CELF4: variants seen among roughly 807,000 people sequenced by gnomAD.
CELF4 encodes CUG-BP- and ETR-3-like factor 4.
CELF4 carries 18 observed loss-of-function variants against 59.9 expected under a neutral mutation model. That is an observed-to-expected ratio of 0.30 (90% CI 0.21 to 0.45). The LOEUF is 0.45. CELF4 is among the 20% of genes least tolerant of loss of function. CELF4 has a pLI of 1.00. For missense variants in CELF4, 456 were observed against 689.0 expected, an observed-to-expected ratio of 0.66 and a Z score of 3.79; for synonymous variants, 261 against 267.1, an observed-to-expected ratio of 0.98 and a Z score of 0.22.
chr18:37,502,007 G>A (rs2099932401), intron 1 of CELF4, among the ~76,000 whole-genome samples: 2 of 152,172 alleles, frequency 1.3e-5, no homozygotes, highest in South Asian at 4.1e-4. Flanking sequence ...GCTGAATCAT[G>A]TTTGTGCATC....
chr18:37,283,914 TACAC>T (rs113079117), intron 3 of CELF4, among the ~76,000 whole-genome samples: 18 of 33,164 alleles, frequency 5.4e-4, no homozygotes, highest in Middle Eastern at 0.018. Flanking sequence ...AGTGGCAACA[TACAC>T]ACACACACAC....
chr18:37,539,033 G>A (rs2099975744), intron 1 of CELF4, among the ~76,000 whole-genome samples: 2 of 152,104 alleles, frequency 1.3e-5, no homozygotes, highest in Admixed American at 6.6e-5. Flanking sequence ...GCAGTGGCAG[G>A]CTTGAGAATG....
At chr18:37,409,767 CT>C (rs1376561990) in intron 2 of CELF4, among the ~76,000 whole-genome samples, 1 of 152,160 alleles carries the variant, frequency 6.6e-6, no homozygotes, top group Non-Finnish European at 1.5e-5. Flanking sequence ...TACTTGAGAC[CT>C]AGCAAGGGGA....
chr18:37,535,434 G>A (rs562041746), intron 1 of CELF4, among the ~76,000 whole-genome samples: 22 of 152,168 alleles, frequency 1.4e-4, no homozygotes, highest in Non-Finnish European at 2.5e-4. Context: ...CGAAGTTGCA[G>A]ACTTTCCGAG....
At chr18:37,559,677 G>A (rs2099985959) in intron 1 of CELF4, among the ~76,000 whole-genome samples, 1 of 152,162 alleles carries the variant, frequency 6.6e-6, no homozygotes, top group Admixed American at 6.5e-5. Context: ...CCTGGACAGA[G>A]GCAAAGTTGA....
chr18:37,433,812 G>T (rs1443586319), intron 2 of CELF4, among the ~76,000 whole-genome samples: 1 of 152,224 alleles, frequency 6.6e-6, no homozygotes, highest in Non-Finnish European at 1.5e-5. Flanking sequence ...GACGCAGGGA[G>T]GTAGACTGGG....
chr18:37,261,112 G>A (rs900981322), intron 10 of CELF4, among the ~76,000 whole-genome samples: 9 of 151,712 alleles, frequency 5.9e-5, no homozygotes, highest in African/African-American at 2.2e-4. Flanking sequence ...GCTCATGCCC[G>A]AATCCACACT....
At chr18:37,267,318 G>C (rs1464590617) in intron 8 of CELF4, among the ~76,000 whole-genome samples, 1 of 152,240 alleles carries the variant, frequency 6.6e-6, no homozygotes, top group Non-Finnish European at 1.5e-5. Context: ...GAGGTCCCCT[G>C]TACAGATACT....
At chr18:37,388,629 T>C (rs1054954797) in intron 2 of CELF4, among the ~76,000 whole-genome samples, 3 of 152,174 alleles carry the variant, frequency 2.0e-5, no homozygotes, top group Non-Finnish European at 2.9e-5. Context: ...GGTCTGCTGC[T>C]GTCATTCATT....
chr18:37,442,691 C>G (rs2099736006), intron 2 of CELF4, among the ~76,000 whole-genome samples: 1 of 152,208 alleles, frequency 6.6e-6, no homozygotes, highest in Admixed American at 6.5e-5. Context: ...TGCCTCGTCT[C>G]TGGACAGTTG....
At chr18:37,512,669 C>A (rs948830401) in intron 1 of CELF4, among the ~76,000 whole-genome samples, 2 of 150,202 alleles carry the variant, frequency 1.3e-5, no homozygotes, top group Admixed American at 1.3e-4. Context: ...CTTTCTTCTC[C>A]TCCTCTTCTT....
chr18:37,553,905 C>T (rs910584109), intron 1 of CELF4, among the ~76,000 whole-genome samples: 2 of 152,186 alleles, frequency 1.3e-5, no homozygotes, highest in African/African-American at 4.8e-5. Context: ...AGTTCTTCGT[C>T]TCACCGTCAG....
At chr18:37,335,939 G>A (rs2097758704) in intron 2 of CELF4, among the ~76,000 whole-genome samples, 1 of 152,080 alleles carries the variant, frequency 6.6e-6, no homozygotes, top group Admixed American at 6.5e-5. Flanking sequence ...ACTGCCCAGG[G>A]GCCCAACTCC....
At position 37,351,720 on chromosome 18, in the gene CELF4, C is replaced by T. The variant is rs28691287; in HGVS notation, c.370-29839G>A. Among the ~76,000 whole-genome samples, 328 of 151,334 alleles carry T rather than the reference C, an allele frequency of 2.2e-3. 1 individual carries two copies. The highest frequency in any genetic ancestry group is 7.7e-3 in the African/African-American group (318 of 41,224). ...CCACCTCCCAGGTTCAAGCAATTCT[C>T]CTGCCTCAGCCTCTTGAGTAGCTGG... On this transcript the variant is annotated intron_variant, in intron 2 of 12. Transcript: ENST00000420428.
chr18:37,355,595 C>T (rs2154557027), intron 2 of CELF4, among the ~76,000 whole-genome samples: 1 of 152,224 alleles, frequency 6.6e-6, no homozygotes, highest in Middle Eastern at 3.4e-3. Flanking sequence ...ATCGCTTGAA[C>T]CCGGGAAGCA....
intron 1 of CELF4, among the ~76,000 whole-genome samples, chr18:37,555,967 AGT>A (rs1008479991): frequency 2.6e-5 from 4 of 151,784 alleles, no homozygotes; most frequent in African/African-American, 4.8e-5. Flanking sequence ...TGTGTGTATG[AGT>A]GTGTGTGTGT....
intron 1 of CELF4, among the ~76,000 whole-genome samples, chr18:37,505,703 T>C (rs1405917052): frequency 6.6e-6 from 1 of 152,214 alleles, no homozygotes; most frequent in Non-Finnish European, 1.5e-5. Context: ...GCTCTACCAC[T>C]TCCTGGCTAT....
chr18:37,252,084 G>A (rs532279459), intron 12 of CELF4, among the ~76,000 whole-genome samples: 3 of 152,284 alleles, frequency 2.0e-5, no homozygotes, highest in Non-Finnish European at 2.9e-5. Context: ...GAGGAAGGGT[G>A]TTCTGCTGGT....
chr18:37,497,772 A>G (rs906635488), intron 1 of CELF4, among the ~76,000 whole-genome samples: 4 of 152,224 alleles, frequency 2.6e-5, no homozygotes, highest in Admixed American at 6.5e-5. Context: ...TGGTGGCACA[A>G]ATGATAGCAG....
Sources: gnomAD v4.1 joint callset for allele counts (sites outside exome capture counted in the v4.1 genomes callset) on GRCh38, gnomAD v4.1.1 for gene constraint, MANE v1.5 for transcripts, NCBI Gene and HGNC (gene_info 2026-07-23, HGNC 2026-07-21) for gene names.